The following ADAMTSL1 variants were observed in gnomAD, a reference collection of about 807,000 sequenced individuals.
The protein encoded by ADAMTSL1 is ADAMTS-like protein 1.
In ADAMTSL1, 126 loss-of-function variants were observed where a neutral mutation model predicts 201.8. That is an observed-to-expected ratio of 0.62 (90% confidence interval 0.54 to 0.72). The LOEUF is 0.72. Ranked by LOEUF, ADAMTSL1 falls within the 30% of genes least tolerant of loss-of-function variation. The pLI, the probability that ADAMTSL1 is intolerant of heterozygous loss-of-function variation, is 0.00. For synonymous variants in ADAMTSL1, 1,121 were observed against 903.4 expected, an observed-to-expected ratio of 1.24 and a Z score of -4.32; for missense variants, 2,679 against 2,277.8, an observed-to-expected ratio of 1.18 and a Z score of -3.59.
At chr9:18,791,712 CTG>C (rs747332907) in intron 19 of ADAMTSL1, among the ~76,000 whole-genome samples, 7 of 152,146 alleles carry the variant, frequency 4.6e-5, no homozygotes, top group Non-Finnish European at 8.8e-5. Context: ...ATATTTAAGA[CTG>C]TTTTTATGAA....
At chr9:18,096,775 C>G (rs1587038398) in intron 1 of ADAMTSL1, among the ~76,000 whole-genome samples, 1 of 152,242 alleles carries the variant, frequency 6.6e-6, no homozygotes, top group East Asian at 1.9e-4. Flanking sequence ...TCTCAAGTCC[C>G]CTTTCAAGTT....
At chr9:18,359,506 G>T (rs78132283) in intron 2 of ADAMTSL1, among the ~76,000 whole-genome samples, 2,174 of 152,230 alleles carry the variant, frequency 0.014, 47 homozygotes, top group African/African-American at 0.048. Flanking sequence ...ACTAATGGTG[G>T]TTTCTTTACT....
intron 2 of ADAMTSL1, among the ~76,000 whole-genome samples, chr9:18,235,564 G>A (rs1830815403): frequency 6.6e-6 from 1 of 152,152 alleles, no homozygotes; most frequent in Non-Finnish European, 1.5e-5. Context: ...ATAGAATACT[G>A]AGAATTTGCC....
chr9:18,875,406 C>T (rs1033808579), intron 23 of ADAMTSL1, among the ~76,000 whole-genome samples: 14 of 152,112 alleles, frequency 9.2e-5, no homozygotes, highest in African/African-American at 2.9e-4. Context: ...GAACTTTCCT[C>T]TTAGCACCAC....
chr9:18,289,172 T>TATATCTAC, intron 2 of ADAMTSL1, among the ~76,000 whole-genome samples: 1 of 138,194 alleles, frequency 7.2e-6, no homozygotes, highest in Non-Finnish European at 1.6e-5. Context: ...TATCTATCTA[T>TATATCTAC]CTACCTACCT....
intron 2 of ADAMTSL1, among the ~76,000 whole-genome samples, chr9:18,505,842 G>A (rs1040094385): frequency 6.6e-5 from 10 of 152,316 alleles, no homozygotes; most frequent in East Asian, 5.8e-4. Context: ...TGGTGAGACA[G>A]AGGTTCAGAA....
intron 2 of ADAMTSL1, among the ~76,000 whole-genome samples, chr9:18,518,185 C>A (rs1020232846): frequency 1.3e-5 from 2 of 152,134 alleles, no homozygotes; most frequent in Non-Finnish European, 2.9e-5. Context: ...GGTACATGTG[C>A]ATGTTTATTA....
At chr9:18,314,568 C>T (rs928254223) in intron 2 of ADAMTSL1, among the ~76,000 whole-genome samples, 1 of 151,676 alleles carries the variant, frequency 6.6e-6, no homozygotes, top group South Asian at 2.1e-4. Context: ...TCCTTCCTCC[C>T]GTCTGGAGTT....
chr9:18,465,679 T>C (rs902025081), intron 2 of ADAMTSL1, among the ~76,000 whole-genome samples: 1 of 152,244 alleles, frequency 6.6e-6, no homozygotes, highest in African/African-American at 2.4e-5. Context: ...CATGTATGTT[T>C]GTACCAAAGC....
intron 1 of ADAMTSL1, among the ~76,000 whole-genome samples, chr9:18,058,897 C>T (rs1822319102): frequency 6.6e-6 from 1 of 152,148 alleles, no homozygotes; most frequent in Non-Finnish European, 1.5e-5. Flanking sequence ...TCTGCCAGTC[C>T]CACATGAGCT....
At chr9:17,991,787 G>A (rs571605323) in intron 1 of ADAMTSL1, among the ~76,000 whole-genome samples, 1 of 152,292 alleles carries the variant, frequency 6.6e-6, no homozygotes, top group South Asian at 2.1e-4. Flanking sequence ...TAACTTTCAT[G>A]TAACTTCCTC....
At chr9:18,305,586 G>A (rs1049627950) in intron 2 of ADAMTSL1, among the ~76,000 whole-genome samples, 7 of 152,298 alleles carry the variant, frequency 4.6e-5, no homozygotes, top group South Asian at 4.1e-4. Flanking sequence ...AAACAAAGCC[G>A]CAGGGAAGTT....
At chr9:18,518,482 C>A (rs986519910) in intron 2 of ADAMTSL1, among the ~76,000 whole-genome samples, 3 of 152,170 alleles carry the variant, frequency 2.0e-5, no homozygotes, top group African/African-American at 7.2e-5. Flanking sequence ...GACATGATTT[C>A]ATTCTTTTTA....
In ADAMTSL1 at chr9:18,687,241, T is replaced by A. The variant is rs76553103; in HGVS notation, c.1574+2441T>A. 4.9e-3 allele frequency among the ~76,000 whole-genome samples: 741 copies of A among 152,380 alleles called. 9 individuals carry two copies. Among genetic ancestry groups the A allele is most frequent in the African/African-American group, 0.016 (683 of 41,588 alleles). ...AAACGTCCTAAGTGTCACTTTTTTTTATCTATATTGATTTTGAATTTAAAA... is the reference window on the plus strand; with the variant it reads ...AAACGTCCTAAGTGTCACTTTTTTTAATCTATATTGATTTTGAATTTAAAA... On this transcript the variant is annotated intron_variant, in intron 13 of 28. Coordinates refer to ENST00000380548, the MANE Select transcript of ADAMTSL1 (RefSeq NM_001040272.6).
rs189721112 is a variant in ADAMTSL1, at chr9:18,565,502, A to C, written c.238-8528A>C. Among the ~76,000 whole-genome samples, 702 of 151,958 alleles carry C rather than the reference A, an allele frequency of 4.6e-3. 3 individuals are homozygous for C. The highest frequency in any genetic ancestry group is 0.02 in the Middle Eastern group (6 of 294). ...TGCACCAGGAAAAAGAACAAAAGCA[A>C]GGAGTTTTAAACTATACCTAGTATA... On this transcript the variant is annotated intron_variant, in intron 3 of 28. Transcript: ENST00000380548.
chr9:18,118,282 C>T (rs1825344715), intron 1 of ADAMTSL1, among the ~76,000 whole-genome samples: 1 of 152,202 alleles, frequency 6.6e-6, no homozygotes, highest in Non-Finnish European at 1.5e-5. Context: ...GGATTCCAAC[C>T]TTGCCTAAGA....
rs578024640 is a variant in ADAMTSL1, at chr9:18,831,014, T to C, written c.4249+1037T>C. On this transcript the variant is annotated intron_variant, in intron 23 of 28. Transcript: ENST00000380548. ...GGAGGCCAGTGGGTTCCCAGTCGTA[T>C]TGGTGATGACTTATCAACATGGCCA... Among the ~76,000 whole-genome samples, 2 of 152,318 alleles carry C rather than the reference T, an allele frequency of 1.3e-5. 1 individual carries two copies. Among genetic ancestry groups the C allele is most frequent in the African/African-American group, 4.8e-5 (2 of 41,566 alleles).
At chr9:17,938,029 T>A (rs1197690695) in intron 1 of ADAMTSL1, among the ~76,000 whole-genome samples, 1 of 152,174 alleles carries the variant, frequency 6.6e-6, no homozygotes, top group Non-Finnish European at 1.5e-5. Context: ...CAGATGGATT[T>A]TTTTCCCCCT....
At chr9:18,231,515 T>C (rs536428518) in intron 2 of ADAMTSL1, among the ~76,000 whole-genome samples, 2 of 152,308 alleles carry the variant, frequency 1.3e-5, no homozygotes, top group Admixed American at 1.3e-4. Flanking sequence ...TAAGTTTCCT[T>C]TGCCTGTTCC....
Sources: gnomAD v4.1 joint callset for allele counts (sites outside exome capture counted in the v4.1 genomes callset) on GRCh38, gnomAD v4.1.1 for gene constraint, MANE v1.5 for transcripts, NCBI Gene and HGNC (gene_info 2026-07-23, HGNC 2026-07-21) for gene names.